Variants in MAGI2 observed in about 807,000 individuals in gnomAD.
MAGI2 encodes the protein membrane associated guanylate kinase, WW and PDZ domain containing 2.
In MAGI2, 35 loss-of-function variants were observed where a neutral mutation model predicts 133.3. The ratio of observed to expected loss-of-function variants is 0.26; its 90% CI spans 0.20 to 0.35. The LOEUF is 0.35. Ranked by LOEUF, MAGI2 falls within the 10% of genes least tolerant of loss-of-function variation. The pLI is 1.00. For synonymous variants in MAGI2, 729 were observed against 710.6 expected (o/e 1.03, Z -0.41); for missense variants, 1,636 against 1,863.4 (o/e 0.88, Z 2.25).
At chr7:79,188,279 C>T (rs918996070) in intron 1 of MAGI2, among the ~76,000 whole-genome samples, 1 of 151,656 alleles carries the variant, frequency 6.6e-6, no homozygotes, top group Admixed American at 6.6e-5. Context: ...ACCCTTTCCA[C>T]CCCGCCTCCC....
chr7:78,649,063 C>A (rs1055914046), intron 2 of MAGI2, among the ~76,000 whole-genome samples: 3 of 151,632 alleles, frequency 2.0e-5, no homozygotes, highest in East Asian at 1.9e-4. Context: ...TTTCTTCAGC[C>A]GCAGCATTCT....
intron 6 of MAGI2, among the ~76,000 whole-genome samples, chr7:78,474,833 T>C (rs1395581632): frequency 6.6e-6 from 1 of 151,674 alleles, no homozygotes; most frequent in Non-Finnish European, 1.5e-5. Flanking sequence ...TAATTTTAAA[T>C]ATTAACTTAA....
chr7:78,329,507 G>A (rs1207722160), intron 9 of MAGI2, among the ~76,000 whole-genome samples: 4 of 152,100 alleles, frequency 2.6e-5, no homozygotes, highest in Non-Finnish European at 5.9e-5. Flanking sequence ...ACTTTTCACC[G>A]AGCACTTGCA....
rs900499352 is a variant in MAGI2 at position 79,055,649 on chromosome 7, A to G, written c.302-48443T>C. 6.6e-5 allele frequency among the ~76,000 whole-genome samples: 10 copies of G among 152,300 alleles called. 1 individual carries two copies. In the Middle Eastern group the frequency reaches 0.01, roughly 155 times the overall value. On this transcript the variant is annotated intron_variant, in intron 1 of 21. Coordinates refer to ENST00000354212, the MANE Select transcript of MAGI2 (RefSeq NM_012301.4). ...ATTACATATGTAATATTCTAGCCAGATGGCTATGTAGAAATATGTATATTC... is the reference window on the plus strand; with the variant it reads ...ATTACATATGTAATATTCTAGCCAGGTGGCTATGTAGAAATATGTATATTC...
At chr7:78,871,075 C>T (rs1006044303) in intron 2 of MAGI2, among the ~76,000 whole-genome samples, 12 of 152,124 alleles carry the variant, frequency 7.9e-5, no homozygotes, top group African/African-American at 2.7e-4. Context: ...CTTTGGGAGG[C>T]TGAGGTGGGC....
chr7:78,252,960 A>C (rs1406935251), intron 10 of MAGI2: 4 of 98,482 alleles, frequency 4.1e-5, no homozygotes, highest in Non-Finnish European at 7.6e-5. Flanking sequence ...AAAAAAAAAA[A>C]CAATGGGCAG....
intron 9 of MAGI2, among the ~76,000 whole-genome samples, chr7:78,270,379 T>A (rs1259186803): frequency 1.3e-5 from 2 of 152,196 alleles, no homozygotes; most frequent in African/African-American, 2.4e-5. Context: ...TTCATGATAT[T>A]GATTCTTCCT....
At chr7:78,755,476 C>T (rs1003393860) in intron 2 of MAGI2, among the ~76,000 whole-genome samples, 4 of 152,070 alleles carry the variant, frequency 2.6e-5, no homozygotes, top group African/African-American at 7.2e-5. Context: ...GGCTTAAATA[C>T]GTGTTTCATT....
intron 2 of MAGI2, among the ~76,000 whole-genome samples, chr7:78,941,728 TCACACACACACACACACA>T (rs3068585): frequency 1.2e-4 from 15 of 123,462 alleles, no homozygotes; most frequent in South Asian, 5.9e-4. Flanking sequence ...GCCTATTTCA[TCACACACACACACACACA>T]CACACACACA....
chr7:78,060,059 G>A (rs955081523), intron 21 of MAGI2, among the ~76,000 whole-genome samples: 1 of 152,082 alleles, frequency 6.6e-6, no homozygotes, highest in Non-Finnish European at 1.5e-5. Flanking sequence ...AGTTTGTGCT[G>A]CCAACATAGG....
chr7:79,158,567 A>G (rs1026880792), intron 1 of MAGI2, among the ~76,000 whole-genome samples: 1 of 152,084 alleles, frequency 6.6e-6, no homozygotes, highest in Admixed American at 6.6e-5. Flanking sequence ...TAAAACTAGA[A>G]AGCCCATCCG....
intron 11 of MAGI2, among the ~76,000 whole-genome samples, chr7:78,200,681 C>CAT (rs112655558): frequency 0.015 from 2,240 of 152,078 alleles, 57 homozygotes; most frequent in African/African-American, 0.044. Context: ...ACAAAGCTAA[C>CAT]ATATATATAC....
Position 78,761,088 on chromosome 7 carries a change from G to T in MAGI2, c.419-133849C>A, listed in dbSNP as rs138753677. Among the ~76,000 whole-genome samples, 318 of 152,312 alleles carry T rather than the reference G, an allele frequency of 2.1e-3. 2 individuals carry two copies. Among genetic ancestry groups the T allele is most frequent in the Middle Eastern group, 0.017 (5 of 294 alleles). ...TGAGATGGAAAAACCTAAGGAAGCT[G>T]TCCAACTTTTATATGGTTAATGTGG... On this transcript the variant is annotated intron_variant, in intron 2 of 21. Transcript: ENST00000354212.
chr7:78,823,673 T>C (rs1790367940), intron 2 of MAGI2, among the ~76,000 whole-genome samples: 1 of 151,322 alleles, frequency 6.6e-6, no homozygotes, highest in Non-Finnish European at 1.5e-5. Flanking sequence ...AGTAGCATGG[T>C]AGATGAAAAG....
Position 78,825,831 on chromosome 7 carries a change from C to T in MAGI2, c.418+181259G>A, listed in dbSNP as rs1269476240. On this transcript the variant is annotated intron_variant, in intron 2 of 21. Transcript: ENST00000354212. The stretch of plus-strand genomic sequence containing the variant: ...GTCACCTTGTTTCTTCTCTAACCAA[C>T]TGAAAAATTGAGATGTCTCCAACCG... Among the ~76,000 whole-genome samples the T allele has an allele frequency of 2.6e-5, 4 of 152,132 alleles. No homozygotes were observed. In the South Asian group the frequency reaches 6.2e-4, roughly 24 times the overall value.
At chr7:78,441,746 G>A (rs1482707682) in intron 6 of MAGI2, among the ~76,000 whole-genome samples, 1 of 152,096 alleles carries the variant, frequency 6.6e-6, no homozygotes, top group Non-Finnish European at 1.5e-5. Context: ...AAGACATTTA[G>A]TAGAGGAAAT....
At chr7:78,096,191 TGTAGCAATG>T (rs999594594) in intron 20 of MAGI2, among the ~76,000 whole-genome samples, 3 of 152,248 alleles carry the variant, frequency 2.0e-5, no homozygotes, top group Non-Finnish European at 2.9e-5. Context: ...AGGAAGATAA[TGTAGCAATG>T]GTAGCAATGT....
intron 2 of MAGI2, chr7:78,902,684 A>G (rs952003001): frequency 2.6e-5 from 4 of 152,220 alleles, no homozygotes; most frequent in African/African-American, 9.6e-5. Context: ...GCTTGTGTGA[A>G]ACATGCAAAC....
In MAGI2 at chr7:78,525,888, A is replaced by G. The variant is rs1057379210; in HGVS notation, c.539-4243T>C. On this transcript the variant is annotated intron_variant, in intron 3 of 21. Coordinates refer to ENST00000354212, the MANE Select transcript of MAGI2 (RefSeq NM_012301.4). ...ATTTTACATAAGTATTCTTGTATCA[A>G]ATGGGGAGTAGAGTAACTCTTTCCC... is the stretch of plus-strand genomic sequence containing the variant. Among the ~76,000 whole-genome samples, 3 of 152,310 alleles carry G rather than the reference A, an allele frequency of 2.0e-5. No homozygotes were observed. The East Asian group carries it at 5.8e-4, about 29-fold the overall frequency.
Sources: gnomAD v4.1 joint callset for allele counts (sites outside exome capture counted in the v4.1 genomes callset) on GRCh38, gnomAD v4.1.1 for gene constraint, MANE v1.5 for transcripts, NCBI Gene and HGNC (gene_info 2026-07-23, HGNC 2026-07-21) for gene names.